MPP7: variants seen among roughly 807,000 people sequenced by gnomAD.
The protein encoded by MPP7 is MAGUK p55 scaffold protein 7, also known as MAGUK p55 subfamily member 7.
In MPP7, 60 loss-of-function variants were observed where a neutral mutation model predicts 76.5. That is an observed-to-expected ratio of 0.78 (90% CI 0.64 to 0.97). MPP7 has a LOEUF of 0.97. MPP7 is among the 50% of genes least tolerant of loss of function. MPP7 has a pLI of 0.00. For synonymous variants in MPP7, 237 were observed against 244.5 expected (o/e 0.97, Z 0.29); for missense variants, 641 against 694.0 (o/e 0.92, Z 0.86).
At chr10:28,269,519 T>C in intron 1 of MPP7, among the ~76,000 whole-genome samples, 1 of 148,284 alleles carries the variant, frequency 6.7e-6, no homozygotes, top group East Asian at 2.1e-4. Flanking sequence ...GAATATTTGT[T>C]TTTATCTTTT....
In MPP7 at chr10:28,238,571, T is replaced by C; in HGVS notation, c.34A>G (p.Thr12Ala). 6.2e-7 allele frequency: 1 copy of C among 1,614,042 alleles called. No individual in the cohort carries two copies. The highest frequency in any genetic ancestry group is 8.5e-7 in the Non-Finnish European group (1 of 1,179,950). Reference sequence around the variant, plus strand: ...TGCCCCTCTTGGGGTCACATACCAGTGTCACTCCCAGATCCCGTTGACAAA... The same window carrying C: ...TGCCCCTCTTGGGGTCACATACCAGCGTCACTCCCAGATCCCGTTGACAAA... ...PALSTGSGSD[T>A]GLYELLAALP... Residue 12 changes from threonine (T) to alanine (A), a missense_variant, in exon 2 of 17, where the codon ACT becomes GCT. Thr to Ala is a moderately conservative substitution (Grantham distance 58). Coordinates refer to ENST00000683449, the MANE Select transcript of MPP7 (RefSeq NM_001318170.2).
At chr10:28,073,715 G>A (rs950650208) in intron 12 of MPP7, among the ~76,000 whole-genome samples, 9 of 151,988 alleles carry the variant, frequency 5.9e-5, no homozygotes, top group Non-Finnish European at 1.0e-4. Context: ...GGTTGCAGTG[G>A]GCCAAGATTG....
intron 1 of MPP7, among the ~76,000 whole-genome samples, chr10:28,270,254 C>G (rs1224832009): frequency 6.6e-6 from 1 of 152,186 alleles, no homozygotes; most frequent in Non-Finnish European, 1.5e-5. Flanking sequence ...GAATTGCTGA[C>G]TATGCTTTCA....
intron 1 of MPP7, among the ~76,000 whole-genome samples, chr10:28,276,606 C>T (rs992078841): frequency 6.6e-6 from 1 of 151,984 alleles, no homozygotes; most frequent in African/African-American, 2.4e-5. Context: ...ACAGAAGACA[C>T]TACAGATGAA....
At chr10:28,173,227 G>GAA (rs71523597) in intron 3 of MPP7, among the ~76,000 whole-genome samples, 6 of 116,606 alleles carry the variant, frequency 5.1e-5, no homozygotes, top group Non-Finnish European at 1.1e-4. Flanking sequence ...GAGTAGCGAT[G>GAA]AAAAAAAAAA....
At chr10:28,279,143 G>A (rs1357413181) in intron 1 of MPP7, among the ~76,000 whole-genome samples, 1 of 152,034 alleles carries the variant, frequency 6.6e-6, no homozygotes, top group Non-Finnish European at 1.5e-5. Flanking sequence ...GTGGGCCTGA[G>A]CTACGGGCAA....
At chr10:28,107,122 C>T (rs1392038589) in intron 11 of MPP7, among the ~76,000 whole-genome samples, 1 of 152,104 alleles carries the variant, frequency 6.6e-6, no homozygotes, top group Non-Finnish European at 1.5e-5. Flanking sequence ...TATCCAGTAC[C>T]AAACTAAATT....
At position 28,054,066 on chromosome 10, in the gene MPP7, T is replaced by TATG. The variant is rs1851453819; in HGVS notation, c.1727_1729dup (p.Ser576dup). On this transcript the variant is annotated inframe_insertion, in exon 17 of 17. Coordinates refer to ENST00000683449, the MANE Select transcript of MPP7 (RefSeq NM_001318170.2). ...GACAATTATGGAAATTTCTCTTAGT[T>TATG]ATGAATGTAACCAGCTCACTGGCAC... 1 of 1,610,196 alleles carries TATG rather than the reference T, an allele frequency of 6.2e-7. No individual in the cohort carries two copies. Among genetic ancestry groups the TATG allele is most frequent in the Non-Finnish European group, 8.5e-7 (1 of 1,178,164 alleles).
intron 1 of MPP7, among the ~76,000 whole-genome samples, chr10:28,250,837 T>C (rs1376598970): frequency 6.6e-6 from 1 of 152,216 alleles, no homozygotes; most frequent in Non-Finnish European, 1.5e-5. Flanking sequence ...CCACACTGCC[T>C]AATGAGGAGC....
intron 3 of MPP7, among the ~76,000 whole-genome samples, chr10:28,193,416 G>C (rs2607544): frequency 0.82 from 125,320 of 151,916 alleles, 52,318 homozygotes; most frequent in African/African-American, 0.89. Context: ...GTTTCACCAT[G>C]TTAGCCAGAT....
At chr10:28,107,363 G>A (rs1223631780) in intron 11 of MPP7, among the ~76,000 whole-genome samples, 1 of 152,084 alleles carries the variant, frequency 6.6e-6, no homozygotes, top group Non-Finnish European at 1.5e-5. Flanking sequence ...AGTGCTTTAT[G>A]CCACAGTTTT....
At chr10:28,074,384 G>T (rs1352716606) in intron 12 of MPP7, among the ~76,000 whole-genome samples, 1 of 151,672 alleles carries the variant, frequency 6.6e-6, no homozygotes, top group Non-Finnish European at 1.5e-5. Flanking sequence ...TGCAACCTCC[G>T]CTTCCTGGGT....
At chr10:28,281,084 T>C (rs968085320) in intron 1 of MPP7, among the ~76,000 whole-genome samples, 6 of 151,878 alleles carry the variant, frequency 4.0e-5, no homozygotes, top group Admixed American at 3.9e-4. Context: ...TCTTTTTTTT[T>C]CTTTCTTTTT....
chr10:28,063,873 C>T (rs146095553), intron 13 of MPP7, among the ~76,000 whole-genome samples: 1 of 152,248 alleles, frequency 6.6e-6, no homozygotes, highest in African/African-American at 2.4e-5. Context: ...TTAGTTAATG[C>T]AAACTGAAGT....
At chr10:28,319,953 C>T (rs920806001) in intron 2 of MPP7, among the ~76,000 whole-genome samples, 1 of 96,724 alleles carries the variant, frequency 1.0e-5, no homozygotes, top group African/African-American at 4.5e-5. Flanking sequence ...CAGACTCTCT[C>T]TCAAAAACAA....
intron 8 of MPP7, 46 bp from the exon 9 acceptor site, chr10:28,120,714 G>T: frequency 6.8e-7 from 1 of 1,470,790 alleles, no homozygotes. Flanking sequence ...CAGACCCAAG[G>T]AAGAATAAGG....
chr10:28,122,834 T>G (rs1241665398), intron 8 of MPP7, among the ~76,000 whole-genome samples: 2 of 152,146 alleles, frequency 1.3e-5, no homozygotes, highest in African/African-American at 4.8e-5. Context: ...GCACCTTTTT[T>G]CTATAAAGAA....
At chr10:28,094,633 T>TA (rs921552540) in intron 11 of MPP7, among the ~76,000 whole-genome samples, 7 of 151,410 alleles carry the variant, frequency 4.6e-5, no homozygotes, top group African/African-American at 9.7e-5. Flanking sequence ...CTAGCAAAAA[T>TA]AAAAAAAAGC....
chr10:28,290,153 T>C (rs1051072007), intron 1 of MPP7, among the ~76,000 whole-genome samples: 1 of 152,194 alleles, frequency 6.6e-6, no homozygotes, highest in African/African-American at 2.4e-5. Context: ...ACGCTACTAT[T>C]GATACATACA....
Sources: gnomAD v4.1 joint callset for allele counts (sites outside exome capture counted in the v4.1 genomes callset) on GRCh38, gnomAD v4.1.1 for gene constraint, MANE v1.5 for transcripts, NCBI Gene and HGNC (gene_info 2026-07-23, HGNC 2026-07-21) for gene names.